Variants in RBFOX1 observed in about 807,000 individuals in gnomAD.
The protein encoded by RBFOX1 is RNA binding protein fox-1 homolog 1.
RBFOX1 carries 8 observed loss-of-function variants against 57.7 expected under a neutral mutation model. That is an observed-to-expected ratio of 0.14 (90% CI 0.08 to 0.25). RBFOX1 has a LOEUF of 0.25. Ranked by LOEUF, RBFOX1 falls within the 10% of genes least tolerant of loss-of-function variation. The pLI, the probability that RBFOX1 is intolerant of heterozygous loss-of-function variation, is 1.00. For synonymous variants in RBFOX1, 326 were observed against 222.4 expected, an observed-to-expected ratio of 1.47 and a Z score of -4.15; for missense variants, 611 against 548.5, an observed-to-expected ratio of 1.11 and a Z score of -1.14.
intron 2 of RBFOX1, among the ~76,000 whole-genome samples, chr16:6,334,276 G>A (rs763852651): frequency 6.6e-6 from 1 of 152,060 alleles, no homozygotes; most frequent in Non-Finnish European, 1.5e-5. Flanking sequence ...GGGAGGCCAA[G>A]GTGGGCAGAT....
intron 4 of RBFOX1, among the ~76,000 whole-genome samples, chr16:7,412,116 C>G (rs927771196): frequency 2.0e-5 from 3 of 151,946 alleles, no homozygotes; most frequent in Non-Finnish European, 4.4e-5. Context: ...TGAACATGTA[C>G]CATGCTACTG....
At chr16:5,795,955 C>A (rs919012984) in intron 3 of RBFOX1, among the ~76,000 whole-genome samples, 3 of 152,162 alleles carry the variant, frequency 2.0e-5, no homozygotes, top group Non-Finnish European at 2.9e-5. Flanking sequence ...ATCAATAGTC[C>A]CCACCTTTTC....
chr16:5,830,810 C>T (rs1326296148), intron 3 of RBFOX1, among the ~76,000 whole-genome samples: 2 of 152,114 alleles, frequency 1.3e-5, no homozygotes, highest in African/African-American at 4.8e-5. Flanking sequence ...TTATAAATAG[C>T]TCAGGGTCTT....
At chr16:6,732,924 A>T (rs1284617166) in intron 3 of RBFOX1, among the ~76,000 whole-genome samples, 1 of 152,222 alleles carries the variant, frequency 6.6e-6, no homozygotes, top group African/African-American at 2.4e-5. Context: ...CAAATGATGA[A>T]AATGCTAATT....
chr16:6,372,342 G>A (rs1227184336), intron 2 of RBFOX1, among the ~76,000 whole-genome samples: 1 of 151,828 alleles, frequency 6.6e-6, no homozygotes, highest in Non-Finnish European at 1.5e-5. Context: ...AGACTTGGTG[G>A]AAGTATAGTC....
At chr16:6,312,504 A>T (rs2080457635) in intron 1 of RBFOX1, among the ~76,000 whole-genome samples, 1 of 152,190 alleles carries the variant, frequency 6.6e-6, no homozygotes, top group Non-Finnish European at 1.5e-5. Flanking sequence ...TCTGTTCTGA[A>T]CATAGCACTT....
intron 2 of RBFOX1, among the ~76,000 whole-genome samples, chr16:5,542,008 G>A (rs544484701): frequency 6.6e-6 from 1 of 152,116 alleles, no homozygotes; most frequent in Admixed American, 6.6e-5. Context: ...CTGTTTAAAG[G>A]AACTGCTGTT....
chr16:6,528,723 C>T (rs1195841454), intron 2 of RBFOX1, among the ~76,000 whole-genome samples: 3 of 152,224 alleles, frequency 2.0e-5, no homozygotes, highest in African/African-American at 7.2e-5. Flanking sequence ...TATTTGGGAC[C>T]AGATACTTCT....
At chr16:7,445,141 T>A (rs898112926) in intron 4 of RBFOX1, among the ~76,000 whole-genome samples, 13 of 152,038 alleles carry the variant, frequency 8.6e-5, no homozygotes, top group African/African-American at 3.1e-4. Context: ...GTGGGGATAG[T>A]CCCTTTTAAA....
intron 2 of RBFOX1, among the ~76,000 whole-genome samples, chr16:6,500,152 T>A (rs1598328237): frequency 6.6e-6 from 1 of 152,226 alleles, no homozygotes; most frequent in African/African-American, 2.4e-5. Context: ...CTAGAAACCT[T>A]TGAGTCACGC....
chr16:7,421,950 C>T (rs1227515909), intron 4 of RBFOX1, among the ~76,000 whole-genome samples: 1 of 152,030 alleles, frequency 6.6e-6, no homozygotes, highest in Non-Finnish European at 1.5e-5. Context: ...ATGCCCAGTC[C>T]CTAAAGCCAT....
intron 3 of RBFOX1, among the ~76,000 whole-genome samples, chr16:6,773,232 GCATT>G (rs2078703205): frequency 7.1e-6 from 1 of 141,588 alleles, no homozygotes; most frequent in African/African-American, 2.6e-5. Context: ...GGTGTGGGGT[GCATT>G]TGTGTGTGTG....
intron 3 of RBFOX1, among the ~76,000 whole-genome samples, chr16:5,694,829 A>G (rs1203352698): frequency 2.0e-5 from 3 of 151,202 alleles, no homozygotes; most frequent in South Asian, 4.2e-4. Flanking sequence ...TGCTTGTGCA[A>G]TTGGAGCGAT....
At chr16:7,221,572 G>T (rs1476702977) in intron 4 of RBFOX1, among the ~76,000 whole-genome samples, 1 of 152,094 alleles carries the variant, frequency 6.6e-6, no homozygotes, top group Non-Finnish European at 1.5e-5. Flanking sequence ...GCACCATGTT[G>T]GCCAGGGTAG....
intron 5 of RBFOX1, among the ~76,000 whole-genome samples, chr16:7,571,177 T>G (rs2092732366): frequency 6.6e-6 from 1 of 151,628 alleles, no homozygotes; most frequent in African/African-American, 2.4e-5. Context: ...TTTACTTATG[T>G]AACAAACCTG....
intron 3 of RBFOX1, among the ~76,000 whole-genome samples, chr16:6,848,287 G>A (rs1262837373): frequency 6.6e-6 from 1 of 152,152 alleles, no homozygotes; most frequent in East Asian, 1.9e-4. Flanking sequence ...CATGTGGGAA[G>A]GTGGGCATAG....
intron 1 of RBFOX1, among the ~76,000 whole-genome samples, chr16:6,164,601 G>A (rs564376821): frequency 1.3e-5 from 2 of 151,704 alleles, no homozygotes; most frequent in African/African-American, 4.8e-5. Flanking sequence ...CAAGTAGCTG[G>A]GACTATAGGT....
At position 5,789,085 on chromosome 16, in the gene RBFOX1, C is replaced by G. The variant is rs75032268; in HGVS notation, c.319-78218C>G. Reference sequence around the variant, plus strand: ...TCCTTGTGCACAAACCCTTCCCTCTCTCTCCCTCTTCCTCTCTCTCACACA... The same window carrying G: ...TCCTTGTGCACAAACCCTTCCCTCTGTCTCCCTCTTCCTCTCTCTCACACA... On this transcript the variant is annotated intron_variant, in intron 3 of 19. Coordinates refer to the RBFOX1 transcript ENST00000641259. 4.0e-3 allele frequency among the ~76,000 whole-genome samples: 607 copies of G among 152,280 alleles called. 4 individuals carry two copies. Among genetic ancestry groups the G allele is most frequent in the African/African-American group, 0.014 (571 of 41,564 alleles).
At chr16:7,341,947 C>T (rs1345873984) in intron 4 of RBFOX1, among the ~76,000 whole-genome samples, 2 of 151,960 alleles carry the variant, frequency 1.3e-5, no homozygotes, top group African/African-American at 4.8e-5. Flanking sequence ...GAAGGTGTTG[C>T]TTGGCCATTC....
Sources: allele counts gnomAD v4.1 joint callset (sites outside exome capture counted in the v4.1 genomes callset), GRCh38; gene constraint gnomAD v4.1.1; transcripts MANE v1.5; gene names NCBI Gene and HGNC (gene_info 2026-07-23, HGNC 2026-07-21).